C17orf67: variants seen among roughly 807,000 people sequenced by gnomAD.
C17orf67 encodes the protein uncharacterized protein C17orf67.
A neutral mutation model predicts 11.2 loss-of-function variants in C17orf67; 12 were observed. The observed-to-expected ratio is 1.07, with a 90% confidence interval of 0.68 to 1.73. C17orf67 has a LOEUF of 1.73. C17orf67 is among the 40% of genes most tolerant of loss of function. C17orf67 has a pLI of 0.00. For synonymous variants in C17orf67, 59 were observed against 46.9 expected (o/e 1.26, Z -1.05); for missense variants, 115 against 113.5 (o/e 1.01, Z -0.06).
At chr17:56,820,807 TAC>T (rs1227231117) in intron 4 of C17orf67, among the ~76,000 whole-genome samples, 3 of 149,066 alleles carry the variant, frequency 2.0e-5, no homozygotes, top group African/African-American at 4.9e-5. Context: ...ACTGTCCCAT[TAC>T]ACAGATATTT....
intron 5 of C17orf67, among the ~76,000 whole-genome samples, 187 bp from the exon 6 acceptor site, chr17:56,815,156 C>G (rs1905728995): frequency 6.6e-6 from 1 of 152,220 alleles, no homozygotes; most frequent in African/African-American, 2.4e-5. Flanking sequence ...TTGTTTCTAA[C>G]ATGATTACTC....
intron 6 of C17orf67, among the ~76,000 whole-genome samples, chr17:56,809,530 C>T (rs1905537962): frequency 1.4e-5 from 2 of 147,764 alleles, no homozygotes. Context: ...CATACACCCT[C>T]ACGTACACCC....
At chr17:56,832,772 T>C (rs1033580328) in intron 2 of C17orf67, 126 bp downstream of exon 2, 14 of 152,234 alleles carry the variant, frequency 9.2e-5, no homozygotes, top group Admixed American at 4.6e-4. Flanking sequence ...ATTACAATAG[T>C]ATATTATTAA....
intron 6 of C17orf67, among the ~76,000 whole-genome samples, chr17:56,806,681 C>A (rs950207554): frequency 3.3e-5 from 5 of 152,154 alleles, no homozygotes; most frequent in Non-Finnish European, 7.3e-5. Flanking sequence ...GCATGCCACC[C>A]CACCTGACCA....
chr17:56,810,148 C>T (rs1019665895), intron 6 of C17orf67, among the ~76,000 whole-genome samples: 5 of 57,584 alleles, frequency 8.7e-5, no homozygotes, highest in Non-Finnish European at 2.0e-4. Context: ...CTCACGCACA[C>T]CCCTCACACC....
chr17:56,824,158 T>G (rs922238470), intron 4 of C17orf67, among the ~76,000 whole-genome samples: 2 of 152,020 alleles, frequency 1.3e-5, no homozygotes, highest in Middle Eastern at 3.2e-3. Context: ...ATTTGGGGAG[T>G]GAGTTTGTTC....
intron 4 of C17orf67, among the ~76,000 whole-genome samples, chr17:56,817,017 CT>C (rs987858712): frequency 6.6e-6 from 1 of 151,948 alleles, no homozygotes; most frequent in Admixed American, 6.6e-5. Flanking sequence ...ACTCAATTAA[CT>C]TTTTTATTTT....
chr17:56,804,802 C>T (rs781126799), intron 6 of C17orf67, among the ~76,000 whole-genome samples: 3 of 152,146 alleles, frequency 2.0e-5, no homozygotes, highest in Non-Finnish European at 4.4e-5. Context: ...TCAAGACATT[C>T]ATCTTTTTAA....
chr17:56,814,561 T>C lies in C17orf67; in HGVS notation c.156+308A>G, dbSNP rs1329204068. Among the ~76,000 whole-genome samples, 3 of 152,112 alleles carry C rather than the reference T, an allele frequency of 2.0e-5. No individual in the cohort carries two copies. In the East Asian group the frequency reaches 5.8e-4, roughly 29 times the overall value. On this transcript the variant is annotated intron_variant, in intron 6 of 7. Transcript: ENST00000397861. ...GGCAGGAGATGGGGTTAGCGTTGGC[T>C]AAAGGGAACAGCTCCCCAGCAAGCA...
intron 5 of C17orf67, 70 bp downstream of exon 5, chr17:56,815,686 T>G (rs148567686): frequency 7.6e-7 from 1 of 1,310,508 alleles, no homozygotes; most frequent in Admixed American, 2.7e-5. Flanking sequence ...AATTAAAAAA[T>G]TAAATATCAA....
chr17:56,800,058 A>ATTTTTTTT (rs772880968), intron 6 of C17orf67, among the ~76,000 whole-genome samples: 9 of 96,278 alleles, frequency 9.3e-5, no homozygotes, highest in East Asian at 2.9e-4. Flanking sequence ...TTGCAAACTA[A>ATTTTTTTT]TTTTTTTTTT....
intron 4 of C17orf67, among the ~76,000 whole-genome samples, chr17:56,817,082 C>G (rs141127354): frequency 4.3e-4 from 66 of 152,170 alleles, no homozygotes; most frequent in African/African-American, 1.5e-3. Flanking sequence ...TTTCAAACTC[C>G]TGGGCTCAAG....
chr17:56,831,206 A>AG (rs1329740099), intron 2 of C17orf67, among the ~76,000 whole-genome samples: 2 of 151,792 alleles, frequency 1.3e-5, no homozygotes, highest in Admixed American at 6.6e-5. Flanking sequence ...GGAGTAGTGG[A>AG]GGGGGGGATG....
At chr17:56,828,184 T>A (rs1348375837) in intron 2 of C17orf67, among the ~76,000 whole-genome samples, 1 of 149,888 alleles carries the variant, frequency 6.7e-6, no homozygotes, top group Non-Finnish European at 1.5e-5. Context: ...GGTGGGTGGA[T>A]CATCTGAGGT....
chr17:56,795,662 G>A (rs1043688411), intron 6 of C17orf67, among the ~76,000 whole-genome samples: 16 of 152,056 alleles, frequency 1.1e-4, no homozygotes, highest in Admixed American at 1.0e-3. Flanking sequence ...GTTGCTCTGA[G>A]AACAAAAGAA....
At chr17:56,823,904 T>C (rs1905964518) in intron 4 of C17orf67, among the ~76,000 whole-genome samples, 1 of 152,160 alleles carries the variant, frequency 6.6e-6, no homozygotes, top group African/African-American at 2.4e-5. Flanking sequence ...TATCAGGCCA[T>C]GAAAAGATAT....
intron 2 of C17orf67, among the ~76,000 whole-genome samples, chr17:56,825,977 C>T (rs1356962227): frequency 1.4e-5 from 2 of 148,142 alleles, no homozygotes; most frequent in South Asian, 2.1e-4. Flanking sequence ...GTGTGTGTGA[C>T]GGAGTCTCGC....
intron 2 of C17orf67, among the ~76,000 whole-genome samples, chr17:56,832,441 G>C (rs1906237178): frequency 6.6e-6 from 1 of 152,128 alleles, no homozygotes; most frequent in Non-Finnish European, 1.5e-5. Flanking sequence ...TCCTTCCTCT[G>C]TCTCTCTGGG....
intron 6 of C17orf67, among the ~76,000 whole-genome samples, chr17:56,811,058 G>T (rs1767681269): frequency 6.6e-6 from 1 of 152,086 alleles, no homozygotes; most frequent in Non-Finnish European, 1.5e-5. Context: ...ACCCCTCCAG[G>T]GGCCTCAGAA....
Sources: gnomAD v4.1 joint callset for allele counts (sites outside exome capture counted in the v4.1 genomes callset) on GRCh38, gnomAD v4.1.1 for gene constraint, MANE v1.5 for transcripts, NCBI Gene and HGNC (gene_info 2026-07-23, HGNC 2026-07-21) for gene names.